Variants in CUL2 observed in about 807,000 individuals in gnomAD.
CUL2 encodes the protein cullin-2.
Under a neutral mutation model 110.2 loss-of-function variants are expected in CUL2, and 22 were observed. The observed-to-expected ratio is 0.20, with a 90% CI of 0.14 to 0.28. The LOEUF is 0.28. Ranked by LOEUF, CUL2 falls within the 10% of genes least tolerant of loss-of-function variation. CUL2 has a pLI of 1.00. For synonymous variants in CUL2, 279 were observed against 293.2 expected (o/e 0.95, Z 0.49); for missense variants, 631 against 905.5 (o/e 0.70, Z 3.89).
rs111853057 is a variant in CUL2 at position 35,102,329 on chromosome 10, C to T, written c.-50-1269G>A. On this transcript the variant is annotated intron_variant, in intron 1 of 5. Transcript: ENST00000685421. ...ACTCACACCTGCAATCCCAACACTT[C>T]GGGAAGCCAAGGCAGGTGGATAACT... is the stretch of plus-strand genomic sequence containing the variant. 3.9e-3 allele frequency among the ~76,000 whole-genome samples: 588 copies of T among 151,898 alleles called. 6 individuals are homozygous for T. The highest frequency in any genetic ancestry group is 0.013 in the African/African-American group (535 of 41,424).
intron 19 of CUL2, among the ~76,000 whole-genome samples, chr10:35,012,849 C>G (rs980083602): frequency 1.3e-5 from 2 of 152,116 alleles, no homozygotes; most frequent in African/African-American, 2.4e-5. Context: ...GTGATAGAAA[C>G]AGTCTATCCC....
At chr10:35,124,734 G>A (rs138267894) in intron 1 of CUL2, among the ~76,000 whole-genome samples, 1 of 152,336 alleles carries the variant, frequency 6.6e-6, no homozygotes, top group African/African-American at 2.4e-5. Context: ...CTGTAGGTAT[G>A]ACTCTTGGTA....
chr10:35,020,007 TAGTG>T (rs2085143251), intron 17 of CUL2, among the ~76,000 whole-genome samples: 1 of 152,186 alleles, frequency 6.6e-6, no homozygotes, highest in African/African-American at 2.4e-5. Context: ...GCATCTCTAA[TAGTG>T]AGACAATCTG....
chr10:35,063,675 TAAG>T (rs1168477204), intron 2 of CUL2, among the ~76,000 whole-genome samples: 1 of 151,426 alleles, frequency 6.6e-6, no homozygotes, highest in Admixed American at 6.6e-5. Context: ...TGGAAAGAAG[TAAG>T]ACCTGAGACT....
At chr10:35,017,997 T>A (rs2085080624) in intron 17 of CUL2, among the ~76,000 whole-genome samples, 1 of 151,520 alleles carries the variant, frequency 6.6e-6, no homozygotes, top group Admixed American at 6.6e-5. Flanking sequence ...GAATGGATTA[T>A]AAATGAAATT....
intron 8 of CUL2, among the ~76,000 whole-genome samples, chr10:35,041,330 T>C (rs954457319): frequency 5.9e-5 from 9 of 151,766 alleles, no homozygotes; most frequent in Non-Finnish European, 1.3e-4. Context: ...TCAAGAGAAA[T>C]GTAGAGAAGG....
chr10:35,009,201 T>TTTTA lies in CUL2; in HGVS notation c.*1109_*1110insTAAA, dbSNP rs1554851931. 2.9e-3 allele frequency: 394 copies of TTTTA among 137,884 alleles called. 2 individuals carry two copies. Among genetic ancestry groups the TTTTA allele is most frequent in the African/African-American group, 9.9e-3 (369 of 37,406 alleles). The allele number at this position is 137,884 out of a possible 1,614,324, so 8.5% of individuals were successfully genotyped here. On this transcript the variant is annotated 3_prime_UTR_variant, in exon 21 of 21. Transcript: ENST00000374749. ...CTGTTGAGATATATATATATATATA[T>TTTTA]TATATATATATATATATATAAAATA...
At chr10:35,073,489 A>G (rs1356166086) in intron 1 of CUL2, among the ~76,000 whole-genome samples, 2 of 152,224 alleles carry the variant, frequency 1.3e-5, no homozygotes, top group African/African-American at 4.8e-5. Context: ...GTATACTGCA[A>G]GCCAAGCACT....
intron 4 of CUL2, among the ~76,000 whole-genome samples, chr10:35,055,458 C>T (rs759591916): frequency 3.3e-5 from 5 of 152,156 alleles, no homozygotes; most frequent in Non-Finnish European, 7.3e-5. Flanking sequence ...CCTGGCCAGG[C>T]GTCGGGGCTC....
At chr10:35,105,487 C>G (rs2087442796) in intron 1 of CUL2, among the ~76,000 whole-genome samples, 1 of 150,998 alleles carries the variant, frequency 6.6e-6, no homozygotes, top group African/African-American at 2.4e-5. Flanking sequence ...GCCAGTAATC[C>G]CGCACTTTGG....
At chr10:35,036,671 T>C (rs1329138608) in intron 9 of CUL2, among the ~76,000 whole-genome samples, 1 of 152,220 alleles carries the variant, frequency 6.6e-6, no homozygotes, top group Non-Finnish European at 1.5e-5. Context: ...ATTTTATATT[T>C]TGGATATAAA....
chr10:35,029,348 C>T (rs1439450293), intron 15 of CUL2, 140 bp downstream of exon 15: 14 of 583,268 alleles, frequency 2.4e-5, no homozygotes, highest in African/African-American at 9.8e-5. Flanking sequence ...TAAGCCACCA[C>T]GCCCAGCCCA....
intron 9 of CUL2, among the ~76,000 whole-genome samples, chr10:35,036,432 T>C (rs973994505): frequency 3.9e-5 from 6 of 152,172 alleles, no homozygotes; most frequent in East Asian, 1.9e-4. Context: ...TGTCCAGGCA[T>C]TGGCAGTGGG....
At chr10:35,052,599 CA>C (rs1208839736) in intron 5 of CUL2, among the ~76,000 whole-genome samples, 1 of 151,886 alleles carries the variant, frequency 6.6e-6, no homozygotes. Context: ...TTTGTAATAA[CA>C]AAAAATTAAA....
chr10:35,109,968 G>A (rs1397457730), intron 1 of CUL2, among the ~76,000 whole-genome samples: 2 of 152,184 alleles, frequency 1.3e-5, no homozygotes, highest in Non-Finnish European at 2.9e-5. Flanking sequence ...CAGGCCAGGA[G>A]TTCAAGAGCA....
In CUL2 at chr10:35,031,770, G is replaced by A; in HGVS notation, c.1171-151C>T. ...CGGGTCTTGCTCTGTTGCCAGGCTG[G>A]ATTGCAGTGGACAAGATCATAGCTC... On this transcript the variant is annotated intron_variant, in intron 12 of 20. Coordinates refer to ENST00000374749, the MANE Select transcript of CUL2 (RefSeq NM_003591.4). The surrounding 1 kb of genome is among the most constrained non-coding windows in gnomAD (Gnocchi z 4.4). 1 of 724,196 alleles carries A rather than the reference G, an allele frequency of 1.4e-6. No homozygotes were observed. Among genetic ancestry groups the A allele is most frequent in the Non-Finnish European group, 2.2e-6 (1 of 445,908 alleles). The allele number at this position is 724,196 out of a possible 1,614,324, so 44.9% of individuals were successfully genotyped here.
intron 2 of CUL2, 71 bp from the exon 3 acceptor site, chr10:35,063,133 G>A: frequency 1.1e-6 from 1 of 901,238 alleles, no homozygotes; most frequent in Non-Finnish European, 1.8e-6. Flanking sequence ...TACCTTGTTT[G>A]GCATTAAAAA....
intron 8 of CUL2, 120 bp from the exon 9 acceptor site, chr10:35,039,202 AG>A: frequency 1.9e-6 from 1 of 534,526 alleles, no homozygotes; most frequent in Non-Finnish European, 3.1e-6. Flanking sequence ...AAAGGTAATA[AG>A]GGTTACATAA....
chr10:35,056,585 G>A (rs959745703), intron 4 of CUL2, among the ~76,000 whole-genome samples: 2 of 152,018 alleles, frequency 1.3e-5, no homozygotes, highest in Non-Finnish European at 2.9e-5. Context: ...AGGGTATATC[G>A]TGTGCCAGGT....
Sources: allele counts gnomAD v4.1 joint callset (sites outside exome capture counted in the v4.1 genomes callset), GRCh38; gene constraint gnomAD v4.1.1; non-coding constraint Gnocchi (gnomAD v3.1); transcripts MANE v1.5; gene names NCBI Gene and HGNC (gene_info 2026-07-23, HGNC 2026-07-21).